Variants in CEP83 observed in about 807,000 individuals in gnomAD.
CEP83 encodes the protein centrosomal protein of 83 kDa.
CEP83 carries 70 observed loss-of-function variants against 101.9 expected under a neutral mutation model. The ratio of observed to expected loss-of-function variants is 0.69; its 90% confidence interval spans 0.57 to 0.84. The LOEUF (loss-of-function observed/expected upper bound fraction) is 0.84. Ranked by LOEUF, CEP83 falls within the 40% of genes least tolerant of loss-of-function variation. CEP83 has a pLI of 0.00. For synonymous variants in CEP83, 264 were observed against 267.9 expected (o/e 0.99, Z 0.14); for missense variants, 715 against 787.2 (o/e 0.91, Z 1.10).
intron 14 of CEP83, among the ~76,000 whole-genome samples, chr12:94,329,786 A>G (rs1188145078): frequency 6.6e-6 from 1 of 152,220 alleles, no homozygotes; most frequent in East Asian, 1.9e-4. Context: ...CAGTACCTAC[A>G]TCGACAGAAA....
the CEP83 span, among the ~76,000 whole-genome samples, chr12:94,278,484 C>T: frequency 6.6e-6 from 1 of 152,204 alleles, no homozygotes; most frequent in South Asian, 2.1e-4. Context: ...GGCCTTACTT[C>T]CCCCATTAGT....
the CEP83 span, among the ~76,000 whole-genome samples, chr12:94,281,293 A>C: frequency 1.3e-5 from 2 of 152,176 alleles, no homozygotes; most frequent in South Asian, 4.2e-4. Flanking sequence ...AAAAACAAAA[A>C]CAAAACCAAA....
chr12:94,274,679 T>C, the CEP83 span, among the ~76,000 whole-genome samples: 18 of 152,340 alleles, frequency 1.2e-4, no homozygotes, highest in East Asian at 2.1e-3. Context: ...TGCCATCCCA[T>C]CGATTTGGAC....
chr12:94,450,713 A>C (rs2067188272), intron 1 of CEP83, among the ~76,000 whole-genome samples: 1 of 152,226 alleles, frequency 6.6e-6, no homozygotes, highest in South Asian at 2.1e-4. Flanking sequence ...GAAATGAAAG[A>C]TCTAAGTAAA....
intron 1 of CEP83, among the ~76,000 whole-genome samples, chr12:94,442,681 A>G (rs1345793830): frequency 6.6e-6 from 1 of 152,182 alleles, no homozygotes; most frequent in Non-Finnish European, 1.5e-5. Flanking sequence ...TGAATCTAGT[A>G]ATAGGTGAGG....
At chr12:94,381,036 A>G (rs2061820766) in intron 6 of CEP83, among the ~76,000 whole-genome samples, 1 of 152,166 alleles carries the variant, frequency 6.6e-6, no homozygotes, top group Non-Finnish European at 1.5e-5. Flanking sequence ...TTATTTATTC[A>G]GGCAACAAAT....
At chr12:94,418,455 T>C (rs181649660) in intron 2 of CEP83, among the ~76,000 whole-genome samples, 1 of 152,042 alleles carries the variant, frequency 6.6e-6, no homozygotes, top group Non-Finnish European at 1.5e-5. Flanking sequence ...ATTAATGCAC[T>C]GGGAAGATAC....
intron 4 of CEP83, among the ~76,000 whole-genome samples, chr12:94,411,166 G>T (rs2137771550): frequency 6.6e-6 from 1 of 152,144 alleles, no homozygotes; most frequent in East Asian, 1.9e-4. Flanking sequence ...CCAGACAAAT[G>T]AAAAAATGAA....
At chr12:94,351,739 C>A (rs1335188638) in intron 11 of CEP83, among the ~76,000 whole-genome samples, 1 of 152,132 alleles carries the variant, frequency 6.6e-6, no homozygotes, top group Non-Finnish European at 1.5e-5. Flanking sequence ...CTGTAGGGAC[C>A]AATGATGGGC....
At chr12:94,403,132 T>G in intron 5 of CEP83, 38 bp downstream of exon 5, 2 of 1,026,150 alleles carry the variant, frequency 1.9e-6, no homozygotes, top group Non-Finnish European at 3.1e-6. Context: ...TTTGATCCCA[T>G]GAGGATAAAT....
At chr12:94,331,517 C>T (rs2059220743) in intron 14 of CEP83, among the ~76,000 whole-genome samples, 183 bp downstream of exon 14, 1 of 151,612 alleles carries the variant, frequency 6.6e-6, no homozygotes, top group Non-Finnish European at 1.5e-5. Context: ...CAGGCGCCCG[C>T]CACTATGCCT....
chr12:94,320,065 C>T (rs952671306), intron 14 of CEP83, among the ~76,000 whole-genome samples: 8 of 152,118 alleles, frequency 5.3e-5, no homozygotes, highest in Admixed American at 3.3e-4. Flanking sequence ...AGGATAGTTA[C>T]GTCTTCTTAT....
intron 6 of CEP83, among the ~76,000 whole-genome samples, chr12:94,399,437 C>T (rs561634063): frequency 9.9e-5 from 15 of 152,270 alleles, no homozygotes; most frequent in African/African-American, 1.2e-4. Context: ...GGGCTGGGCA[C>T]GATAGTCTAT....
At chr12:94,297,330 G>T in the CEP83 span, 1 of 1,613,822 alleles carries the variant, frequency 6.2e-7, no homozygotes, top group Non-Finnish European at 8.5e-7. Flanking sequence ...TACCAGATTC[G>T]GAAGCATTCC....
chr12:94,411,840 T>G lies in CEP83; in HGVS notation c.181A>C (p.Asn61His). 6.2e-7 allele frequency: 1 copy of G among 1,609,316 alleles called. No individual in the cohort carries two copies. Among genetic ancestry groups the G allele is most frequent in the South Asian group, 1.1e-5 (1 of 89,494 alleles). The change falls in exon 4 of 17, where the codon AAT becomes CAT. Residue 61 changes from asparagine (N) to histidine (H), a missense_variant. Physicochemically the swap from Asn to His is moderately conservative, Grantham distance 68 (BLOSUM62 1). Coordinates refer to ENST00000397809, the MANE Select transcript of CEP83 (RefSeq NM_016122.3). ...TLKAEHTRLQ[N>H]EHVKLQNELK... is the part of the protein sequence containing the mutation. ...TCATTTTGTAACTTTACATGTTCAT[T>G]CTGCAACCTGGTTTTTTTTAAAGAG...
intron 6 of CEP83, among the ~76,000 whole-genome samples, chr12:94,399,012 T>C (rs2063082782): frequency 6.6e-6 from 1 of 152,224 alleles, no homozygotes; most frequent in Non-Finnish European, 1.5e-5. Flanking sequence ...AAGATGTTTA[T>C]CAAGACAATA....
At chr12:94,304,327 G>A, downstream of CEP83, 1 of 314,874 alleles carries the variant, frequency 3.2e-6, no homozygotes, top group Non-Finnish European at 5.8e-6. Flanking sequence ...ACTTTGATGA[G>A]TAAGTAGTGG....
intron 14 of CEP83, among the ~76,000 whole-genome samples, chr12:94,328,900 T>G (rs900986356): frequency 6.6e-6 from 1 of 152,236 alleles, no homozygotes; most frequent in Admixed American, 6.5e-5. Context: ...TTTAGGTTGC[T>G]AACTTGTAAA....
At chr12:94,438,356 T>C (rs1454646554) in intron 1 of CEP83, among the ~76,000 whole-genome samples, 1 of 152,010 alleles carries the variant, frequency 6.6e-6, no homozygotes, top group Non-Finnish European at 1.5e-5. Context: ...GAAAAAGATA[T>C]TCCACGCAAA....
Sources: allele counts gnomAD v4.1 joint callset (sites outside exome capture counted in the v4.1 genomes callset), GRCh38; gene constraint gnomAD v4.1.1; transcripts MANE v1.5; gene names NCBI Gene and HGNC (gene_info 2026-07-23, HGNC 2026-07-21).